Variants in DUSP16 observed in about 807,000 individuals in gnomAD.
DUSP16 encodes the protein dual specificity phosphatase 16.
A neutral mutation model predicts 58.3 loss-of-function variants in DUSP16; 21 were observed. The observed-to-expected ratio is 0.36, with a 90% CI of 0.26 to 0.52. DUSP16 has a LOEUF of 0.52. DUSP16 is among the 20% of genes least tolerant of loss of function. DUSP16 has a pLI of 0.94. For synonymous variants in DUSP16, 320 were observed against 323.8 expected (o/e 0.99, Z 0.12); for missense variants, 726 against 819.0 (o/e 0.89, Z 1.39).
intron 5 of DUSP16, 43 bp from the exon 6 acceptor site, chr12:12,480,389 G>A (rs779271793): frequency 3.1e-6 from 5 of 1,590,396 alleles, no homozygotes; most frequent in Non-Finnish European, 4.3e-6. Flanking sequence ...TAACTATTTT[G>A]TTCAGCAGTG....
At chr12:12,503,938 C>T (rs1943948592) in intron 3 of DUSP16, among the ~76,000 whole-genome samples, 1 of 152,148 alleles carries the variant, frequency 6.6e-6, no homozygotes, top group African/African-American at 2.4e-5. Flanking sequence ...AATCAGAACT[C>T]CTGTACTTAC....
chr12:12,525,668 T>C (rs1403649635), intron 1 of DUSP16, among the ~76,000 whole-genome samples: 1 of 150,784 alleles, frequency 6.6e-6, no homozygotes, highest in Non-Finnish European at 1.5e-5. Context: ...AGTCCAAGAG[T>C]TCAAGACCAG....
rs754461360 is a variant in DUSP16, at chr12:12,475,461, A to G, written c.*1372T>C. On this transcript the variant is annotated 3_prime_UTR_variant, in exon 7 of 7. Transcript: ENST00000298573. Reference sequence around the variant, plus strand: ...TTTTGATTTGCTTTTTCCACTGAAGACACGCCGGCCAGCGTTTCCAAAAAC... The same window carrying G: ...TTTTGATTTGCTTTTTCCACTGAAGGCACGCCGGCCAGCGTTTCCAAAAAC... 6.6e-6 allele frequency: 1 copy of G among 152,216 alleles called. No individual in the cohort carries two copies. The highest frequency in any genetic ancestry group is 1.5e-5 in the Non-Finnish European group (1 of 68,074). 9.4% of individuals were successfully genotyped at this position (152,216 alleles called of 1,614,324 possible).
chr12:12,551,756 G>A (rs997476933), intron 1 of DUSP16, among the ~76,000 whole-genome samples: 5 of 148,738 alleles, frequency 3.4e-5, no homozygotes, highest in Admixed American at 2.0e-4. Flanking sequence ...GCAGTGGCAC[G>A]ATCTCAGCTC....
chr12:12,560,678 C>T (rs554281662), intron 1 of DUSP16: 1 of 152,260 alleles, frequency 6.6e-6, no homozygotes, highest in African/African-American at 2.4e-5. Flanking sequence ...CAAGTGGTAT[C>T]CACCAATATA....
intron 1 of DUSP16, among the ~76,000 whole-genome samples, chr12:12,524,706 T>A (rs571967955): frequency 1.9e-3 from 289 of 152,284 alleles, no homozygotes; most frequent in Non-Finnish European, 3.2e-3. Context: ...TAGAACAAAA[T>A]CCAGAGCAGA....
At chr12:12,486,243 T>C (rs376465535) in intron 5 of DUSP16, among the ~76,000 whole-genome samples, 1 of 152,194 alleles carries the variant, frequency 6.6e-6, no homozygotes, top group Admixed American at 6.5e-5. Flanking sequence ...CTGTGGTATG[T>C]TGCTCAGGAG....
rs112414000 is a variant in DUSP16 at position 12,492,051 on chromosome 12, C to T, written c.532-4864G>A. 1.4e-3 allele frequency among the ~76,000 whole-genome samples: 211 copies of T among 152,332 alleles called. 1 individual carries two copies. The highest frequency in any genetic ancestry group is 4.9e-3 in the African/African-American group (203 of 41,566). On this transcript the variant is annotated intron_variant, in intron 4 of 6. Transcript: ENST00000298573. ...TGCCCTCATCAATTGTTCGTACTCA[C>T]TTGGCAAGATTACAACCCTAGTTAA...
chr12:12,543,990 C>G (rs1243605122), intron 1 of DUSP16, among the ~76,000 whole-genome samples: 1 of 151,780 alleles, frequency 6.6e-6, no homozygotes, highest in Non-Finnish European at 1.5e-5. Flanking sequence ...AAATAAATTT[C>G]GTAAAAACTC....
rs1433733332 is a variant in DUSP16, at chr12:12,477,128, G to A, written c.1703C>T (p.Ser568Phe). The change falls in exon 7 of 7, where the codon TCT becomes TTT. Residue 568 changes from serine (S) to phenylalanine (F), a missense_variant. Physicochemically the swap from Ser to Phe is radical, Grantham distance 155 (BLOSUM62 -2). Transcript: ENST00000298573. The surrounding 1 kb of genome is among the most constrained non-coding windows in gnomAD (Gnocchi z 4.1). ...YFATESSHFY[S>F]ASAIYGGSAS... Reference sequence around the variant, plus strand: ...ACTGCCTCCGTAGATGGCTGAGGCAGAGTAGAAGTGTGAGGACTCTGTGGC... The same window carrying A: ...ACTGCCTCCGTAGATGGCTGAGGCAAAGTAGAAGTGTGAGGACTCTGTGGC... 6.2e-7 allele frequency: 1 copy of A among 1,614,126 alleles called. No homozygotes were observed. The highest frequency in any genetic ancestry group is 8.5e-7 in the Non-Finnish European group (1 of 1,180,050).
intron 1 of DUSP16, among the ~76,000 whole-genome samples, chr12:12,540,286 T>G (rs1449765562): frequency 2.0e-5 from 3 of 151,804 alleles, no homozygotes; most frequent in African/African-American, 7.3e-5. Context: ...GAGCTATGAT[T>G]GCCACTGCAC....
chr12:12,473,972 T>C lies in DUSP16; in HGVS notation c.*2861A>G, dbSNP rs1943365891. 6.6e-6 allele frequency among the ~76,000 whole-genome samples: 1 copy of C among 152,256 alleles called. No homozygotes were observed. The highest frequency in any genetic ancestry group is 2.4e-5 in the African/African-American group (1 of 41,468). ...AAATATTTACCAAGTGTCTTAGGCT[T>C]TTTCACTGTAGTGTGCATTTAACGT... On this transcript the variant is annotated 3_prime_UTR_variant, in exon 7 of 7. Transcript: ENST00000298573.
chr12:12,483,301 T>G (rs933991443), intron 5 of DUSP16, among the ~76,000 whole-genome samples: 1 of 152,228 alleles, frequency 6.6e-6, no homozygotes, highest in African/African-American at 2.4e-5. Context: ...TTTAAAATAC[T>G]TATTAACAGC....
At chr12:12,556,043 A>C (rs1944800539) in intron 1 of DUSP16, among the ~76,000 whole-genome samples, 1 of 152,222 alleles carries the variant, frequency 6.6e-6, no homozygotes. Flanking sequence ...CATGTCTCAA[A>C]AAAATAAAAA....
chr12:12,513,340 A>T (rs952675253), intron 3 of DUSP16, among the ~76,000 whole-genome samples: 1 of 152,214 alleles, frequency 6.6e-6, no homozygotes, highest in African/African-American at 2.4e-5. Context: ...AGATTGCTAT[A>T]TTCTATAAAG....
intron 1 of DUSP16, among the ~76,000 whole-genome samples, chr12:12,545,836 C>T (rs1944634803): frequency 6.6e-6 from 1 of 152,070 alleles, no homozygotes; most frequent in Admixed American, 6.6e-5. Flanking sequence ...ACAATCTAGC[C>T]AAAACTATAT....
At chr12:12,509,738 G>C (rs1200820760) in intron 3 of DUSP16, among the ~76,000 whole-genome samples, 1 of 152,136 alleles carries the variant, frequency 6.6e-6, no homozygotes, top group Non-Finnish European at 1.5e-5. Context: ...TTCAATAAAT[G>C]TTTATTGAAT....
At chr12:12,540,352 A>G (rs75288129) in intron 1 of DUSP16, among the ~76,000 whole-genome samples, 4 of 152,060 alleles carry the variant, frequency 2.6e-5, no homozygotes, top group Non-Finnish European at 5.9e-5. Context: ...AATATAAATT[A>G]AAAAAATTTT....
At chr12:12,505,724 T>C (rs1943984757) in intron 3 of DUSP16, among the ~76,000 whole-genome samples, 1 of 152,100 alleles carries the variant, frequency 6.6e-6, no homozygotes, top group African/African-American at 2.4e-5. Flanking sequence ...TCTAGAAAGT[T>C]CTAAGACAGA....
Sources: allele counts gnomAD v4.1 joint callset (sites outside exome capture counted in the v4.1 genomes callset), GRCh38; gene constraint gnomAD v4.1.1; non-coding constraint Gnocchi (gnomAD v3.1); transcripts MANE v1.5; gene names NCBI Gene and HGNC (gene_info 2026-07-23, HGNC 2026-07-21).